TRHDE: variants seen among roughly 807,000 people sequenced by gnomAD.
TRHDE encodes the protein thyrotropin releasing hormone degrading enzyme.
A neutral mutation model predicts 125.7 loss-of-function variants in TRHDE; 72 were observed. That is an observed-to-expected ratio of 0.57 (90% confidence interval 0.47 to 0.70). The LOEUF (loss-of-function observed/expected upper bound fraction) is 0.70, where lower values mean the gene tolerates loss of function less well. Ranked by LOEUF, TRHDE falls within the 30% of genes least tolerant of loss-of-function variation. The pLI is 0.00. For synonymous variants in TRHDE, 509 were observed against 509.1 expected (o/e 1.00, Z 0.00); for missense variants, 1,110 against 1,327.1 (o/e 0.84, Z 2.54).
intron 2 of TRHDE, among the ~76,000 whole-genome samples, chr12:72,154,017 T>C (rs1309417217): frequency 2.0e-5 from 3 of 152,140 alleles, no homozygotes; most frequent in Admixed American, 2.0e-4. Flanking sequence ...CCCATTATTA[T>C]TGTGTTGGAG....
chr12:72,571,629 T>G (rs1363170502), intron 10 of TRHDE, among the ~76,000 whole-genome samples: 1 of 152,164 alleles, frequency 6.6e-6, no homozygotes, highest in Non-Finnish European at 1.5e-5. Context: ...ATTCAGACAT[T>G]TGTAAATGTA....
At chr12:72,495,441 G>T (rs1238831058) in intron 5 of TRHDE, among the ~76,000 whole-genome samples, 1 of 151,920 alleles carries the variant, frequency 6.6e-6, no homozygotes, top group Non-Finnish European at 1.5e-5. Context: ...TGCCAGATTT[G>T]CCCTTTTTTA....
intron 2 of TRHDE, among the ~76,000 whole-genome samples, chr12:72,194,224 A>G (rs1273918348): frequency 6.6e-6 from 1 of 152,130 alleles, no homozygotes; most frequent in Non-Finnish European, 1.5e-5. Context: ...CCATTTAGAA[A>G]GATTATTGAT....
chr12:72,205,590 G>A (rs143941366), intron 2 of TRHDE, among the ~76,000 whole-genome samples: 74 of 152,232 alleles, frequency 4.9e-4, no homozygotes, highest in African/African-American at 1.8e-3. Context: ...GATATCCCAT[G>A]TAAGTAGAAA....
intron 2 of TRHDE, among the ~76,000 whole-genome samples, chr12:72,164,367 T>C (rs1876699412): frequency 2.0e-5 from 3 of 152,124 alleles, no homozygotes; most frequent in Non-Finnish European, 2.9e-5. Context: ...TTGATGGTGT[T>C]GTGCTGAACT....
intron 2 of TRHDE, among the ~76,000 whole-genome samples, chr12:72,377,779 G>A (rs775357778): frequency 2.0e-5 from 3 of 152,232 alleles, no homozygotes; most frequent in Admixed American, 6.5e-5. Context: ...CTTGTAAAGC[G>A]AGGAAATTGT....
At chr12:72,657,794 A>G (rs571103027) in intron 18 of TRHDE, among the ~76,000 whole-genome samples, 58 of 152,304 alleles carry the variant, frequency 3.8e-4, no homozygotes, top group African/African-American at 1.3e-3. Flanking sequence ...TAAGCAAAAT[A>G]TAGACTCTTT....
chr12:72,350,851 C>T (rs572441046), intron 2 of TRHDE, among the ~76,000 whole-genome samples: 3 of 152,072 alleles, frequency 2.0e-5, no homozygotes, highest in African/African-American at 7.2e-5. Context: ...GGGAGAAAAA[C>T]ATTCATTTAA....
intron 2 of TRHDE, among the ~76,000 whole-genome samples, chr12:72,218,658 G>C (rs556355673): frequency 5.9e-5 from 9 of 152,148 alleles, no homozygotes; most frequent in African/African-American, 2.2e-4. Context: ...GCTTCTGGGG[G>C]CTTTGGGCAA....
intron 15 of TRHDE, 78 bp downstream of exon 15, chr12:72,621,829 C>CA: frequency 9.2e-7 from 1 of 1,090,174 alleles, no homozygotes; most frequent in Non-Finnish European, 1.3e-6. Flanking sequence ...TTTCATTTAC[C>CA]AACTGGAGAA....
intron 1 of TRHDE, among the ~76,000 whole-genome samples, chr12:72,282,957 G>A (rs753485500): frequency 1.6e-4 from 24 of 152,070 alleles, no homozygotes; most frequent in Non-Finnish European, 2.9e-4. Flanking sequence ...ATCCTTCAAG[G>A]CACAAGACAG....
chr12:72,122,040 A>G (rs1875594827), intron 2 of TRHDE, among the ~76,000 whole-genome samples: 1 of 152,022 alleles, frequency 6.6e-6, no homozygotes, highest in South Asian at 2.1e-4. Flanking sequence ...GATATCTACT[A>G]TTCTTCATGT....
intron 2 of TRHDE, among the ~76,000 whole-genome samples, chr12:72,324,902 A>G (rs542482549): frequency 3.9e-5 from 6 of 152,206 alleles, no homozygotes; most frequent in South Asian, 2.1e-4. Flanking sequence ...TGTCACAAAC[A>G]TCGTTCTAGA....
At chr12:72,157,465 G>A (rs1006080838) in intron 2 of TRHDE, among the ~76,000 whole-genome samples, 1 of 152,210 alleles carries the variant, frequency 6.6e-6, no homozygotes, top group African/African-American at 2.4e-5. Flanking sequence ...AGAGATGATG[G>A]TGGCTTTGAT....
chr12:72,477,605 G>A (rs1876958757), intron 5 of TRHDE, among the ~76,000 whole-genome samples: 1 of 152,112 alleles, frequency 6.6e-6, no homozygotes, highest in Admixed American at 6.6e-5. Flanking sequence ...GCCATTGATG[G>A]CAATCATATT....
chr12:72,363,642 T>C (rs1469631746), intron 2 of TRHDE, among the ~76,000 whole-genome samples: 4 of 152,038 alleles, frequency 2.6e-5, no homozygotes, highest in Non-Finnish European at 5.9e-5. Context: ...GAGCTATCTA[T>C]GACAAACCCA....
chr12:72,501,452 A>AT (rs199551103), intron 6 of TRHDE, among the ~76,000 whole-genome samples: 13 of 131,802 alleles, frequency 9.9e-5, no homozygotes, highest in South Asian at 2.1e-4. Context: ...AGATGGTTAT[A>AT]TTTTTTTTGT....
At chr12:72,235,356 T>A (rs576241325) in intron 2 of TRHDE, among the ~76,000 whole-genome samples, 29 of 152,276 alleles carry the variant, frequency 1.9e-4, no homozygotes, top group African/African-American at 7.0e-4. Flanking sequence ...TCATCCCATT[T>A]CACAAGTGAA....
intron 2 of TRHDE, among the ~76,000 whole-genome samples, chr12:72,313,532 A>G (rs184095210): frequency 5.8e-4 from 89 of 152,204 alleles, no homozygotes; most frequent in South Asian, 4.1e-3. Context: ...TATAATTTTT[A>G]TATATATTTT....
Sources: allele counts gnomAD v4.1 joint callset (sites outside exome capture counted in the v4.1 genomes callset), GRCh38; gene constraint gnomAD v4.1.1; transcripts MANE v1.5; gene names NCBI Gene and HGNC (gene_info 2026-07-23, HGNC 2026-07-21).